FAM50B: variants seen among roughly 807,000 people sequenced by gnomAD.
FAM50B encodes protein FAM50B.
Under a neutral mutation model 25.4 loss-of-function variants are expected in FAM50B, and 9 were observed. That is an observed-to-expected ratio of 0.35 (90% CI 0.21 to 0.62). The LOEUF is 0.62. Ranked by LOEUF, FAM50B falls within the 20% of genes least tolerant of loss-of-function variation. FAM50B has a pLI of 0.73. For synonymous variants in FAM50B, 212 were observed against 204.3 expected (o/e 1.04, Z -0.32); for missense variants, 372 against 477.9 (o/e 0.78, Z 2.07).
At chr6:3,840,028 T>G in the FAM50B span, among the ~76,000 whole-genome samples, 2 of 152,294 alleles carry the variant, frequency 1.3e-5, no homozygotes, top group Middle Eastern at 3.4e-3. Context: ...AGTCTCACTC[T>G]GTCGCCCAGG....
Position 3,850,929 on chromosome 6 carries a change from TG to T in FAM50B, c.*141del, listed in dbSNP as rs1336155895. 11 of 1,344,552 alleles carry T rather than the reference TG, an allele frequency of 8.2e-6. No homozygotes were observed. Among genetic ancestry groups the T allele is most frequent in the Non-Finnish European group, 1.1e-5 (11 of 998,466 alleles). The allele number at this position is 1,344,552 out of a possible 1,614,324, so 83.3% of individuals were successfully genotyped here. A position where few individuals can be genotyped will look rare whatever the true frequency, so the allele number is the denominator to read the frequency against. ...GAGGGTTCTCATGATTCACATTGGT[TG>T]TGCTATTGCTGATGTTATGCTTTGG... On this transcript the variant is annotated 3_prime_UTR_variant, in exon 2 of 2. Coordinates refer to ENST00000648326, the MANE Select transcript of FAM50B (RefSeq NM_012135.3).
chr6:3,849,707 C>G, intron 1 of FAM50B, 82 bp from the exon 2 acceptor site: 1 of 1,446,498 alleles, frequency 6.9e-7, no homozygotes, highest in South Asian at 1.5e-5. Context: ...GCCGAAAGCC[C>G]TGTGAGGAGG....
At chr6:3,849,507 C>T in intron 1 of FAM50B, 21 bp downstream of exon 1, 1 of 375,784 alleles carries the variant, frequency 2.7e-6, no homozygotes, top group Non-Finnish European at 4.8e-6. Flanking sequence ...GCTCAGTAGC[C>T]CAACCCTCTC....
At position 3,849,874 on chromosome 6, in the gene FAM50B, C is replaced by T; in HGVS notation, c.63C>T (p.Arg21=). The T allele has an allele frequency of 6.2e-7, 1 of 1,613,654 alleles. No homozygotes were observed. The highest frequency in any genetic ancestry group is 8.5e-7 in the Non-Finnish European group (1 of 1,179,984). The change falls in exon 2 of 2, where the codon CGC becomes CGT. Residue 21 remains arginine (R), a synonymous_variant. Coordinates refer to ENST00000648326, the MANE Select transcript of FAM50B (RefSeq NM_012135.3). ...GTGCCATGCACCTCCTCAAGAAGCGCGAAAGGCAGCGGGAGCAGATGGAGG... is the reference window on the plus strand; with the variant it reads ...GTGCCATGCACCTCCTCAAGAAGCGTGAAAGGCAGCGGGAGCAGATGGAGG... The part of the protein sequence containing the change: ...AGRAMHLLKK[R]ERQREQMEVL...
upstream of FAM50B, among the ~76,000 whole-genome samples, chr6:3,846,281 AAGACAG>A (rs1325327981): frequency 2.0e-5 from 3 of 152,252 alleles, no homozygotes; most frequent in Admixed American, 2.0e-4. Context: ...GACCACCACA[AAGACAG>A]TCACACAAAT....
chr6:3,848,930 C>T (rs1481502244), upstream of FAM50B, among the ~76,000 whole-genome samples: 1 of 151,874 alleles, frequency 6.6e-6, no homozygotes, highest in African/African-American at 2.4e-5. Flanking sequence ...CAGTGGTGCG[C>T]AGGTAATGTT....
the FAM50B span, among the ~76,000 whole-genome samples, chr6:3,840,215 G>T: frequency 2.6e-5 from 4 of 151,962 alleles, no homozygotes; most frequent in East Asian, 3.9e-4. Context: ...GGATGGTCTC[G>T]ATCTCCTGAC....
upstream of FAM50B, among the ~76,000 whole-genome samples, chr6:3,844,809 TG>T (rs1762103324): frequency 6.6e-6 from 1 of 152,254 alleles, no homozygotes; most frequent in Non-Finnish European, 1.5e-5. Flanking sequence ...CAGATCTATG[TG>T]CACATAAAAT....
chr6:3,849,654 T>A, intron 1 of FAM50B, 135 bp from the exon 2 acceptor site: 1 of 1,313,268 alleles, frequency 7.6e-7, no homozygotes, highest in Non-Finnish European at 1.0e-6. Context: ...AGGTTGGTGG[T>A]TACCCTAGCA....
chr6:3,848,213 A>T (rs1762144677), upstream of FAM50B, among the ~76,000 whole-genome samples: 1 of 152,272 alleles, frequency 6.6e-6, no homozygotes, highest in Non-Finnish European at 1.5e-5. Context: ...TGTAAAAACA[A>T]AAACAAAACA....
upstream of FAM50B, among the ~76,000 whole-genome samples, chr6:3,844,766 A>AC (rs1469965643): frequency 6.6e-5 from 10 of 152,338 alleles, no homozygotes; most frequent in East Asian, 1.9e-3. Flanking sequence ...ATCAAATGGG[A>AC]TGCAAAGTTT....
At chr6:3,849,308 C>T (rs887620864), upstream of FAM50B, 4 of 153,676 alleles carry the variant, frequency 2.6e-5, 1 homozygote, top group African/African-American at 4.8e-5. Flanking sequence ...TTTCCGCAGC[C>T]GCCCTACCAG....
In FAM50B at chr6:3,849,931, C is replaced by T; in HGVS notation, c.120C>T (p.Ile40=). The stretch of plus-strand genomic sequence containing the variant: ...AGCAGCGCATCGCCGAGGAGACCAT[C>T]CTCAAGTCGCAGGTGGACAAGAGGT... ...VLKQRIAEET[I]LKSQVDKRFS... The change falls in exon 2 of 2, where the codon ATC becomes ATT. Residue 40 remains isoleucine (I), a synonymous_variant. Coordinates refer to ENST00000648326, the MANE Select transcript of FAM50B (RefSeq NM_012135.3). 1 of 1,613,772 alleles carries T rather than the reference C, an allele frequency of 6.2e-7. No homozygotes were observed. The highest frequency in any genetic ancestry group is 8.5e-7 in the Non-Finnish European group (1 of 1,179,980).
At chr6:3,849,047 C>T (rs912906946), upstream of FAM50B, among the ~76,000 whole-genome samples, 10 of 152,332 alleles carry the variant, frequency 6.6e-5, no homozygotes, top group African/African-American at 2.4e-4. Flanking sequence ...GCGCTGCGCC[C>T]ACATTGCTTC....
Position 3,849,966 on chromosome 6 carries a change from A to T in FAM50B, c.155A>T (p.His52Leu). The change falls in exon 2 of 2, where the codon CAT becomes CTT. Residue 52 changes from histidine (H) to leucine (L), a missense_variant. Around this residue, in one of 4 missense-constraint regions of FAM50B, gnomAD observed 64 missense variants for 118.3 expected, o/e 0.54. Transcript: ENST00000648326. ...CAGGTGGACAAGAGGTTCTCGGCGC[A>T]TTACGACGCCGTGGAGGCCGAGCTG... The part of the protein sequence containing the change: ...KSQVDKRFSA[H>L]YDAVEAELKS... 6.2e-7 allele frequency: 1 copy of T among 1,613,940 alleles called. No homozygotes were observed. Among genetic ancestry groups the T allele is most frequent in the Non-Finnish European group, 8.5e-7 (1 of 1,179,964 alleles).
the FAM50B span, among the ~76,000 whole-genome samples, chr6:3,838,840 C>CAAAAA: frequency 6.2e-5 from 3 of 48,106 alleles, no homozygotes; most frequent in Admixed American, 2.4e-4. Flanking sequence ...GACTCCATCT[C>CAAAAA]AAAAAAAAAA....
chr6:3,850,968 T>A lies in FAM50B; in HGVS notation c.*179T>A. On this transcript the variant is annotated 3_prime_UTR_variant, in exon 2 of 2. Transcript: ENST00000648326. ...TGTTATGCTTTGGTTGCTTGGTTGG[T>A]CTTTTCTGAGTATTTTAGTGTTGCC... 9.3e-7 allele frequency: 1 copy of A among 1,073,936 alleles called. No homozygotes were observed. Among genetic ancestry groups the A allele is most frequent in the Non-Finnish European group, 1.3e-6 (1 of 758,082 alleles). The allele number at this position is 1,073,936 out of a possible 1,614,324, so 66.5% of individuals were successfully genotyped here.
At chr6:3,842,224 GAGAGCC>G in the FAM50B span, among the ~76,000 whole-genome samples, 2 of 152,236 alleles carry the variant, frequency 1.3e-5, no homozygotes, top group African/African-American at 4.8e-5. Context: ...AGGACTGCCA[GAGAGCC>G]AGAGCTGGCT....
In FAM50B at chr6:3,849,934, C is replaced by T; in HGVS notation, c.123C>T (p.Leu41=). 1.2e-6 allele frequency: 2 copies of T among 1,613,950 alleles called. No individual in the cohort carries two copies. The highest frequency in any genetic ancestry group is 1.7e-6 in the Non-Finnish European group (2 of 1,180,006). Residue 41 remains leucine (L), a synonymous_variant, in exon 2 of 2, where the codon CTC becomes CTT. Coordinates refer to ENST00000648326, the MANE Select transcript of FAM50B (RefSeq NM_012135.3). ...LKQRIAEETI[L]KSQVDKRFSA... ...AGCGCATCGCCGAGGAGACCATCCT[C>T]AAGTCGCAGGTGGACAAGAGGTTCT...
Sources: allele counts gnomAD v4.1 joint callset (sites outside exome capture counted in the v4.1 genomes callset), GRCh38; gene constraint gnomAD v4.1.1; regional missense constraint gnomAD v4.1.1; transcripts MANE v1.5; gene names NCBI Gene and HGNC (gene_info 2026-07-23, HGNC 2026-07-21).